TOR1AIP1: variants seen among roughly 807,000 people sequenced by gnomAD.
TOR1AIP1 encodes the protein torsin 1A interacting protein 1.
In TOR1AIP1, 54 loss-of-function variants were observed where a neutral mutation model predicts 63.3. That is an observed-to-expected ratio of 0.85 (90% confidence interval 0.69 to 1.07). The LOEUF (loss-of-function observed/expected upper bound fraction) is 1.07, where lower values mean the gene tolerates loss of function less well. Ranked by LOEUF, TOR1AIP1 falls within the 50% of genes least tolerant of loss-of-function variation. The pLI, the probability that TOR1AIP1 is intolerant of heterozygous loss-of-function variation, is 0.00. For synonymous variants in TOR1AIP1, 294 were observed against 273.5 expected, an observed-to-expected ratio of 1.07 and a Z score of -0.74; for missense variants, 736 against 715.0, an observed-to-expected ratio of 1.03 and a Z score of -0.33.
In TOR1AIP1 at chr1:179,910,922, C is replaced by T. The variant is rs1008667984; in HGVS notation, c.907+2249C>T. Reference sequence around the variant, plus strand: ...GAGAAGGAAACATAATTATATTGAACATCTAATAGAAATGCAGAAATAGAT... The same window carrying T: ...GAGAAGGAAACATAATTATATTGAATATCTAATAGAAATGCAGAAATAGAT... On this transcript the variant is annotated intron_variant, in intron 8 of 9. Coordinates refer to ENST00000606911, the MANE Select transcript of TOR1AIP1 (RefSeq NM_015602.4). 2.6e-5 allele frequency among the ~76,000 whole-genome samples: 4 copies of T among 152,142 alleles called. No homozygotes were observed. In the East Asian group the frequency reaches 7.7e-4, roughly 29 times the overall value.
chr1:179,918,476 A>G lies in TOR1AIP1; in HGVS notation c.*237A>G, dbSNP rs576566599. Reference sequence around the variant, plus strand: ...AAGGTATCTTAGGAGTGCAGATTATATGCAGTTCCTTAGAGAATCTGTTTT... The same window carrying G: ...AAGGTATCTTAGGAGTGCAGATTATGTGCAGTTCCTTAGAGAATCTGTTTT... On this transcript the variant is annotated 3_prime_UTR_variant, in exon 10 of 10. Transcript: ENST00000606911. 4.3e-6 allele frequency: 2 copies of G among 466,886 alleles called. No homozygotes were observed. The highest frequency in any genetic ancestry group is 3.9e-5 in the Admixed American group (1 of 25,360). The allele number at this position is 466,886 out of a possible 1,614,324, so 28.9% of individuals were successfully genotyped here.
intron 3 of TOR1AIP1, among the ~76,000 whole-genome samples, chr1:179,898,567 T>C (rs1648354193): frequency 6.6e-6 from 1 of 152,172 alleles, no homozygotes; most frequent in African/African-American, 2.4e-5. Context: ...GAAATATTAA[T>C]TAAAAATTTT....
chr1:179,909,310 T>A (rs958469425), intron 8 of TOR1AIP1, among the ~76,000 whole-genome samples: 5 of 152,250 alleles, frequency 3.3e-5, no homozygotes, highest in Non-Finnish European at 5.9e-5. Context: ...AACAGCTTTG[T>A]ATACTCATAA....
chr1:179,895,088 C>T (rs1290343789), intron 3 of TOR1AIP1, among the ~76,000 whole-genome samples: 1 of 152,122 alleles, frequency 6.6e-6, no homozygotes, highest in Non-Finnish European at 1.5e-5. Context: ...ACATAAAGAC[C>T]TCGGACTTCT....
At chr1:179,915,391 A>C in intron 9 of TOR1AIP1, among the ~76,000 whole-genome samples, 1 of 152,254 alleles carries the variant, frequency 6.6e-6, no homozygotes, top group East Asian at 1.9e-4. Context: ...GATTTTCCAA[A>C]CATTGACACA....
chr1:179,882,862 G>T lies in TOR1AIP1; in HGVS notation c.360G>T (p.Glu120Asp), dbSNP rs567144425. The change falls in exon 1 of 10, where the codon GAG becomes GAT. Residue 120 changes from glutamate to aspartate, a missense_variant. By Grantham distance (45) the Glu-to-Asp change is conservative (BLOSUM62 2). Transcript: ENST00000606911. ...QRRQPRPQET[E>D]EMKTRRTTRL... The stretch of plus-strand genomic sequence containing the variant: ...GGCAGCCGCGACCCCAGGAAACCGA[G>T]GAAATGAAGACGCGAAGGACTACCC... 4 of 1,614,208 alleles carry T rather than the reference G, an allele frequency of 2.5e-6. No individual in the cohort carries two copies. The African/African-American group carries it at 5.3e-5, about 22-fold the overall frequency.
chr1:179,919,531 G>A lies in TOR1AIP1; in HGVS notation c.*1292G>A, dbSNP rs2148485024. 1 of 152,288 alleles carries A rather than the reference G, an allele frequency of 6.6e-6. No homozygotes were observed. Among genetic ancestry groups the A allele is most frequent in the East Asian group, 1.9e-4 (1 of 5,192 alleles). The allele number at this position is 152,288 out of a possible 1,614,324, so 9.4% of individuals were successfully genotyped here. ...AGCCAAGATAGTGAATTTATATGAA[G>A]GGTGTGAAATGTATTTCTTTACTAC... On this transcript the variant is annotated 3_prime_UTR_variant, in exon 10 of 10. Coordinates refer to ENST00000606911, the MANE Select transcript of TOR1AIP1 (RefSeq NM_015602.4).
intron 1 of TOR1AIP1, among the ~76,000 whole-genome samples, chr1:179,883,432 T>C (rs1267998279): frequency 2.0e-5 from 3 of 152,184 alleles, no homozygotes; most frequent in Non-Finnish European, 4.4e-5. Context: ...TCTTTTTCCC[T>C]CCTCACCCAG....
At chr1:179,898,574 T>A (rs929022128) in intron 3 of TOR1AIP1, among the ~76,000 whole-genome samples, 1 of 152,008 alleles carries the variant, frequency 6.6e-6, no homozygotes, top group Admixed American at 6.6e-5. Flanking sequence ...TAATTAAAAA[T>A]TTTTGGCCAG....
chr1:179,913,235 A>G (rs77337762), intron 8 of TOR1AIP1, among the ~76,000 whole-genome samples: 12,804 of 151,622 alleles, frequency 0.084, 690 homozygotes, highest in East Asian at 0.14. Flanking sequence ...ATTTGTCGGA[A>G]TTACAGGCAT....
chr1:179,910,843 A>G (rs1648810901), intron 8 of TOR1AIP1, among the ~76,000 whole-genome samples: 1 of 152,232 alleles, frequency 6.6e-6, no homozygotes, highest in South Asian at 2.1e-4. Context: ...AAGTTAGTAC[A>G]TACTTATCAG....
intron 3 of TOR1AIP1, among the ~76,000 whole-genome samples, chr1:179,893,059 A>G (rs911629341): frequency 4.6e-5 from 7 of 151,906 alleles, no homozygotes; most frequent in Admixed American, 1.3e-4. Flanking sequence ...CGGCCAACAT[A>G]GTGAAACCCT....
chr1:179,903,813 A>C (rs1418555752), intron 5 of TOR1AIP1, among the ~76,000 whole-genome samples, 153 bp from the exon 6 acceptor site: 3 of 152,172 alleles, frequency 2.0e-5, no homozygotes, highest in Admixed American at 6.5e-5. Context: ...CCAGCCTAGA[A>C]ATTTTTTAAA....
intron 2 of TOR1AIP1, among the ~76,000 whole-genome samples, chr1:179,887,114 C>G (rs376213060): frequency 6.6e-6 from 1 of 152,062 alleles, no homozygotes; most frequent in Non-Finnish European, 1.5e-5. Context: ...CGAATAAAGA[C>G]CTAGGCCCGG....
chr1:179,901,288 T>G lies in TOR1AIP1; in HGVS notation c.653-14T>G. 6.3e-7 allele frequency: 1 copy of G among 1,586,314 alleles called. No individual in the cohort carries two copies. The highest frequency in any genetic ancestry group is 8.6e-7 in the Non-Finnish European group (1 of 1,158,290). On this transcript the variant is annotated splice_polypyrimidine_tract_variant and intron_variant, in intron 4 of 9. Coordinates refer to ENST00000606911, the MANE Select transcript of TOR1AIP1 (RefSeq NM_015602.4). ...AAAATAGACTATATTAGTATATTGT[T>G]TACTTCTCTTTAGGAGAAACTGAAG...
At chr1:179,894,841 C>G (rs553260080) in intron 3 of TOR1AIP1, among the ~76,000 whole-genome samples, 1 of 152,312 alleles carries the variant, frequency 6.6e-6, no homozygotes, top group African/African-American at 2.4e-5. Context: ...GCCTTTGCTC[C>G]TCACACCAAG....
intron 3 of TOR1AIP1, among the ~76,000 whole-genome samples, chr1:179,897,424 G>T (rs1301670156): frequency 8.5e-5 from 13 of 152,180 alleles, no homozygotes; most frequent in Non-Finnish European, 1.6e-4. Context: ...TAGACAAATT[G>T]ACCTGGAACT....
Position 179,917,597 on chromosome 1 carries a change from C to G in TOR1AIP1, c.1110C>G (p.Asn370Lys). 6.2e-7 allele frequency: 1 copy of G among 1,614,060 alleles called. No individual in the cohort carries two copies. The highest frequency in any genetic ancestry group is 8.5e-7 in the Non-Finnish European group (1 of 1,180,022). ...CCACTGCTGTTCAAGAGTTCCAGAA[C>G]CAGATGAATCAACTTAAGAATAAGT... ...VETTAVQEFQ[N>K]QMNQLKNKYQ... The change falls in exon 10 of 10, where the codon AAC (asparagine) becomes AAG (lysine). Residue 370 changes from asparagine to lysine, a missense_variant. Asn to Lys is a moderately conservative substitution (Grantham distance 94). Coordinates refer to ENST00000606911, the MANE Select transcript of TOR1AIP1 (RefSeq NM_015602.4).
Position 179,882,343 on chromosome 1 carries a change from A to G in TOR1AIP1, c.-160A>G. 1 of 657,560 alleles carries G rather than the reference A, an allele frequency of 1.5e-6. No individual in the cohort carries two copies. Among genetic ancestry groups the G allele is most frequent in the Non-Finnish European group, 2.3e-6 (1 of 428,742 alleles). 40.7% of individuals were successfully genotyped at this position (657,560 alleles called of 1,614,324 possible). A position where few individuals can be genotyped will look rare whatever the true frequency, so the allele number is the denominator to read the frequency against. On this transcript the variant is annotated 5_prime_UTR_variant, in exon 1 of 10. Transcript: ENST00000606911. ...GGGCCCAGAGGCAGGTTTGCTACAC[A>G]GCAGCGACGACGCAGGCGGCGGCCC...
Sources: gnomAD v4.1 joint callset for allele counts (sites outside exome capture counted in the v4.1 genomes callset) on GRCh38, gnomAD v4.1.1 for gene constraint, MANE v1.5 for transcripts, NCBI Gene and HGNC (gene_info 2026-07-23, HGNC 2026-07-21) for gene names.